Variants in MTMR8 observed in about 807,000 individuals in gnomAD.
The protein encoded by MTMR8 is phosphatidylinositol-3,5-bisphosphate 3-phosphatase MTMR8.
MTMR8 carries 65 observed loss-of-function variants against 39.3 expected under a neutral mutation model. That is an observed-to-expected ratio of 1.65 (90% confidence interval 1.35 to 2.03). The LOEUF (loss-of-function observed/expected upper bound fraction) is 2.03. Ranked by LOEUF, MTMR8 falls within the 30% of genes most tolerant of loss-of-function variation. The probability of loss-of-function intolerance (pLI) is 0.00; values close to 1 mark genes in which losing one functional copy is unlikely to be tolerated. For missense variants in MTMR8, 777 were observed against 538.9 expected (o/e 1.44, Z -4.37); for synonymous variants, 245 against 185.2 (o/e 1.32, Z -2.62).
chrX:64,310,899 A>G (rs1032427403), intron 12 of MTMR8, among the ~76,000 whole-genome samples: 5 of 112,017 alleles, frequency 4.5e-5, no homozygotes, highest in Non-Finnish European at 7.5e-5. Flanking sequence ...CCAGTCTATC[A>G]TTGATAAACA....
At chrX:64,311,200 G>T (rs750358954) in intron 12 of MTMR8, among the ~76,000 whole-genome samples, 1 of 111,626 alleles carries the variant, frequency 9.0e-6, no homozygotes, top group South Asian at 3.8e-4. Flanking sequence ...ATTCTAATTG[G>T]TGTGAGATGG....
At chrX:64,297,741 C>T (rs1288362470) in intron 12 of MTMR8, among the ~76,000 whole-genome samples, 1 of 109,513 alleles carries the variant, frequency 9.1e-6, no homozygotes. Context: ...TTTACTCCAT[C>T]TTGAATTGAT....
chrX:64,308,181 C>T (rs1235920274), intron 12 of MTMR8, among the ~76,000 whole-genome samples: 1 of 109,963 alleles, frequency 9.1e-6, no homozygotes, highest in African/African-American at 3.3e-5. Flanking sequence ...AGAGAATTAG[C>T]TAAGAATTCA....
intron 1 of MTMR8, among the ~76,000 whole-genome samples, chrX:64,382,704 AG>A (rs748748767): frequency 4.5e-4 from 50 of 111,669 alleles, no homozygotes; most frequent in Non-Finnish European, 8.3e-4. Flanking sequence ...GAATGCTTCC[AG>A]TTTTTGCCCA....
At chrX:64,294,993 AGTCT>A (rs1921524000) in intron 12 of MTMR8, among the ~76,000 whole-genome samples, 1 of 111,215 alleles carries the variant, frequency 9.0e-6, no homozygotes, top group African/African-American at 3.3e-5. Context: ...AAGTATTCTC[AGTCT>A]GGTAAGACAA....
At chrX:64,300,982 C>T (rs1212211749) in intron 12 of MTMR8, among the ~76,000 whole-genome samples, 3 of 106,961 alleles carry the variant, frequency 2.8e-5, no homozygotes, top group African/African-American at 1.0e-4. Flanking sequence ...GAGGGTAACC[C>T]GACCTTTCTC....
chrX:64,316,973 G>A (rs959331491), intron 12 of MTMR8, among the ~76,000 whole-genome samples: 3 of 107,769 alleles, frequency 2.8e-5, no homozygotes, highest in African/African-American at 1.0e-4. Context: ...TTAGCCAGGC[G>A]TGGTGATGTG....
intron 12 of MTMR8, among the ~76,000 whole-genome samples, chrX:64,326,162 T>C (rs1025792130): frequency 9.0e-6 from 1 of 111,683 alleles, no homozygotes; most frequent in Non-Finnish European, 1.9e-5. Context: ...ATCTTTATCA[T>C]CTTTGTGTTG....
At chrX:64,277,670 T>C (rs1291587482) in intron 12 of MTMR8, among the ~76,000 whole-genome samples, 6 of 111,658 alleles carry the variant, frequency 5.4e-5, no homozygotes, top group Non-Finnish European at 1.1e-4. Flanking sequence ...TTAACATTTT[T>C]TCCTTCCTTT....
At chrX:64,301,767 C>T (rs748786782) in intron 12 of MTMR8, among the ~76,000 whole-genome samples, 2 of 111,491 alleles carry the variant, frequency 1.8e-5, no homozygotes, top group South Asian at 7.6e-4. Flanking sequence ...TGTGGATGTC[C>T]TTTCTGTTTG....
chrX:64,355,734 C>A (rs916315216), intron 3 of MTMR8, among the ~76,000 whole-genome samples: 1 of 110,846 alleles, frequency 9.0e-6, no homozygotes, highest in Admixed American at 9.7e-5. Context: ...TTAATGAGGA[C>A]TTTGATGAAC....
rs150770846 is a variant in MTMR8, at chrX:64,348,834, C to T, written c.598-40G>A. 434 of 1,197,253 alleles carry T rather than the reference C, an allele frequency of 3.6e-4. No individual in the cohort carries two copies. In the African/African-American group the frequency reaches 6.9e-3, roughly 19 times the overall value. On this transcript the variant is annotated intron_variant, in intron 5 of 13. Transcript: ENST00000374852. The stretch of plus-strand genomic sequence containing the variant: ...TGTGTCAGTTGAGTGATTATATTCA[C>T]AAATGGTCAAAAATCTTTCTTGACC...
intron 12 of MTMR8, among the ~76,000 whole-genome samples, chrX:64,324,515 C>G (rs1325514445): frequency 9.1e-6 from 1 of 110,253 alleles, no homozygotes; most frequent in Non-Finnish European, 1.9e-5. Flanking sequence ...AGACCCCCAT[C>G]TCTACAAAGA....
At chrX:64,333,794 A>G (rs1923002807) in intron 10 of MTMR8, among the ~76,000 whole-genome samples, 1 of 111,940 alleles carries the variant, frequency 8.9e-6, no homozygotes, top group African/African-American at 3.2e-5. Context: ...TTATCACTAA[A>G]GATCATTAAA....
intron 12 of MTMR8, among the ~76,000 whole-genome samples, chrX:64,273,717 C>T (rs1931814057): frequency 9.0e-6 from 1 of 110,933 alleles, no homozygotes; most frequent in African/African-American, 3.3e-5. Context: ...AAGAGACTCA[C>T]TTTAGATTTA....
chrX:64,300,904 C>T (rs1350344301), intron 12 of MTMR8, among the ~76,000 whole-genome samples: 1 of 111,006 alleles, frequency 9.0e-6, no homozygotes, highest in East Asian at 2.8e-4. Flanking sequence ...GAATATTGGC[C>T]TCCACTCTCT....
chrX:64,270,944 CA>C lies in MTMR8; in HGVS notation c.1608+2del. 1 of 1,208,355 alleles carries C rather than the reference CA, an allele frequency of 8.3e-7. No homozygotes were observed. The highest frequency in any genetic ancestry group is 1.1e-6 in the Non-Finnish European group (1 of 894,136). On this transcript the variant is annotated splice_donor_variant, in intron 13 of 13. Transcript: ENST00000374852. LOFTEE classifies it high-confidence loss of function. ...GATCTCTCTTTGGGACTTTTCTCCT[CA>C]CCTTTTCTAGTTCATGCACATCTGT...
chrX:64,371,945 A>C (rs1055684420), intron 1 of MTMR8, among the ~76,000 whole-genome samples: 4 of 109,513 alleles, frequency 3.7e-5, no homozygotes, highest in Non-Finnish European at 7.6e-5. Context: ...GAACTGTATA[A>C]AAATATTTAA....
At chrX:64,378,228 A>T (rs1924320566) in intron 1 of MTMR8, among the ~76,000 whole-genome samples, 1 of 112,192 alleles carries the variant, frequency 8.9e-6, no homozygotes, top group Non-Finnish European at 1.9e-5. Context: ...GACTAAAACA[A>T]GAAGAAATAC....
Sources: gnomAD v4.1 joint callset for allele counts (sites outside exome capture counted in the v4.1 genomes callset) on GRCh38, gnomAD v4.1.1 for gene constraint, MANE v1.5 for transcripts, NCBI Gene and HGNC (gene_info 2026-07-23, HGNC 2026-07-21) for gene names.